Variants in ASTN1 observed in about 807,000 individuals in gnomAD.
ASTN1 encodes the protein astrotactin-1.
Under a neutral mutation model 140.7 loss-of-function variants are expected in ASTN1, and 41 were observed. The ratio of observed to expected loss-of-function variants is 0.29; its 90% CI spans 0.23 to 0.38. The LOEUF is 0.38. Among genes scored for constraint, ASTN1 ranks in the 10% least tolerant of loss-of-function variants. The pLI, the probability that ASTN1 is intolerant of heterozygous loss-of-function variation, is 1.00. For synonymous variants in ASTN1, 640 were observed against 652.2 expected (o/e 0.98, Z 0.29); for missense variants, 1,479 against 1,678.8 (o/e 0.88, Z 2.08).
chr1:177,027,713 AGTGTGTGTGTGTGTGT>A (rs56405518), intron 5 of ASTN1, among the ~76,000 whole-genome samples: 17,469 of 118,636 alleles, frequency 0.15, 1,364 homozygotes, highest in East Asian at 0.21. Flanking sequence ...AACCCAGTAC[AGTGTGTGTGTGTGTGT>A]GTGTGTGTGT....
In ASTN1 at chr1:176,861,872, T is replaced by C; in HGVS notation, c.*2412A>G. The C allele has an allele frequency of 1.0e-6, 1 of 985,100 alleles. No homozygotes were observed. Among genetic ancestry groups the C allele is most frequent in the African/African-American group, 1.7e-5 (1 of 57,258 alleles). The allele number at this position is 985,100 out of a possible 1,614,324, so 61.0% of individuals were successfully genotyped here. On this transcript the variant is annotated 3_prime_UTR_variant, in exon 23 of 23. Transcript: ENST00000361833. ...GGAAAGATAGGAGAGAGGAAGATAG[T>C]GTGCCTAAAATAAAAACAGAAGGAG...
chr1:176,907,175 A>T (rs1670040599), intron 16 of ASTN1, among the ~76,000 whole-genome samples: 1 of 152,174 alleles, frequency 6.6e-6, no homozygotes, highest in South Asian at 2.1e-4. Context: ...GGAGCTGGAG[A>T]ATCTGCATTT....
intron 7 of ASTN1, among the ~76,000 whole-genome samples, chr1:177,019,852 T>C (rs910105264): frequency 3.3e-5 from 5 of 152,168 alleles, no homozygotes; most frequent in African/African-American, 9.6e-5. Flanking sequence ...AAAACAATGC[T>C]TTTTCTTTCT....
intron 20 of ASTN1, among the ~76,000 whole-genome samples, chr1:176,877,642 C>T (rs1304185158): frequency 6.6e-6 from 1 of 152,228 alleles, no homozygotes; most frequent in Non-Finnish European, 1.5e-5. Flanking sequence ...AATCTGAACA[C>T]AACCATGGCA....
intron 1 of ASTN1, among the ~76,000 whole-genome samples, chr1:177,104,843 T>C (rs761398965): frequency 2.0e-5 from 3 of 152,226 alleles, no homozygotes; most frequent in Non-Finnish European, 4.4e-5. Context: ...TTAGATGAGA[T>C]GATACCCAGG....
rs936752737 is a variant in ASTN1, at chr1:177,002,628, C to T, written c.1523+12163G>A. 5.9e-5 allele frequency among the ~76,000 whole-genome samples: 9 copies of T among 151,854 alleles called. No homozygotes were observed. In the South Asian group the frequency reaches 6.2e-4, roughly 10 times the overall value. On this transcript the variant is annotated intron_variant, in intron 8 of 22. Coordinates refer to ENST00000361833, the MANE Select transcript of ASTN1 (RefSeq NM_004319.3). Reference sequence around the variant, plus strand: ...AATAGATAAAGTAGAAAACAAGATACGCAGTGGCAAAATGTTTGCTCTTAA... The same window carrying T: ...AATAGATAAAGTAGAAAACAAGATATGCAGTGGCAAAATGTTTGCTCTTAA...
intron 7 of ASTN1, among the ~76,000 whole-genome samples, chr1:177,019,545 T>C (rs1456803435): frequency 6.6e-6 from 1 of 152,232 alleles, no homozygotes; most frequent in Non-Finnish European, 1.5e-5. Context: ...ATGGCAGGCA[T>C]ACCTTGGGGT....
At chr1:176,986,085 TA>T (rs1343696458) in intron 8 of ASTN1, among the ~76,000 whole-genome samples, 2 of 152,180 alleles carry the variant, frequency 1.3e-5, no homozygotes, top group Non-Finnish European at 1.5e-5. Flanking sequence ...CTTTTGTCCC[TA>T]GAAGCATTGT....
At chr1:177,128,004 A>G (rs1372047379) in intron 1 of ASTN1, among the ~76,000 whole-genome samples, 1 of 143,262 alleles carries the variant, frequency 7.0e-6, no homozygotes, top group East Asian at 2.2e-4. Context: ...AATAAAATAA[A>G]ACAGTAATAA....
At chr1:177,023,277 C>A in intron 7 of ASTN1, 127 bp downstream of exon 7, 1 of 1,218,906 alleles carries the variant, frequency 8.2e-7, no homozygotes. Flanking sequence ...TGCAGGCAGT[C>A]CGCATGGTCT....
rs869200407 is a variant in ASTN1, at chr1:177,036,036, C to CTTTTTTTT, written c.472-3195_472-3188dup. 2.2e-4 allele frequency among the ~76,000 whole-genome samples: 17 copies of CTTTTTTTT among 78,800 alleles called. 1 individual carries two copies. Among genetic ancestry groups the CTTTTTTTT allele is most frequent in the African/African-American group, 8.8e-4 (16 of 18,136 alleles). The allele number at this position is 78,800 out of a possible 152,430, so 51.7% of individuals were successfully genotyped here. A position where few individuals can be genotyped will look rare whatever the true frequency, so the allele number is the denominator to read the frequency against. ...CTCTGGATGGGATGACCTCAGCTTT[C>CTTTTTTTT]TTTTTTTTTTTTTTTTTTTTTTTTT... On this transcript the variant is annotated intron_variant, in intron 2 of 22. Transcript: ENST00000361833.
chr1:176,923,108 A>G (rs986739986), intron 16 of ASTN1, among the ~76,000 whole-genome samples: 1 of 152,154 alleles, frequency 6.6e-6, no homozygotes, highest in African/African-American at 2.4e-5. Flanking sequence ...TTTTGATGCA[A>G]TTCTGTCTAA....
chr1:176,952,992 A>G (rs1672254714), intron 11 of ASTN1, among the ~76,000 whole-genome samples: 1 of 152,212 alleles, frequency 6.6e-6, no homozygotes, highest in African/African-American at 2.4e-5. Context: ...GGTTGAGCAA[A>G]TGAGCTCATA....
chr1:177,144,943 A>C (rs1425296192), intron 1 of ASTN1, among the ~76,000 whole-genome samples: 1 of 152,170 alleles, frequency 6.6e-6, no homozygotes, highest in Admixed American at 6.5e-5. Flanking sequence ...AGATAGAGAA[A>C]AATCATCATT....
chr1:177,062,699 C>A (rs954597064), intron 1 of ASTN1, among the ~76,000 whole-genome samples: 2 of 152,086 alleles, frequency 1.3e-5, no homozygotes, highest in African/African-American at 2.4e-5. Context: ...AAAAGGAAAA[C>A]AATTTTAAGT....
chr1:176,928,046 C>T (rs1298674253), intron 16 of ASTN1, among the ~76,000 whole-genome samples: 1 of 150,738 alleles, frequency 6.6e-6, no homozygotes, highest in Non-Finnish European at 1.5e-5. Flanking sequence ...TATATATATG[C>T]ACAAACTCAT....
At chr1:177,094,265 A>T (rs774121812) in intron 1 of ASTN1, among the ~76,000 whole-genome samples, 1 of 152,238 alleles carries the variant, frequency 6.6e-6, no homozygotes, top group Non-Finnish European at 1.5e-5. Flanking sequence ...TCAAACTCAG[A>T]TCTGTCTAAC....
intron 8 of ASTN1, among the ~76,000 whole-genome samples, chr1:177,005,919 A>G (rs1674973348): frequency 6.6e-6 from 1 of 152,178 alleles, no homozygotes; most frequent in Non-Finnish European, 1.5e-5. Context: ...TAATGACAGC[A>G]ATTAATTAGC....
intron 11 of ASTN1, among the ~76,000 whole-genome samples, chr1:176,951,200 C>T (rs1359827756): frequency 6.6e-6 from 1 of 152,186 alleles, no homozygotes; most frequent in African/African-American, 2.4e-5. Flanking sequence ...CTGTGCAAAC[C>T]CAGCTGTTCC....
Sources: gnomAD v4.1 joint callset for allele counts (sites outside exome capture counted in the v4.1 genomes callset) on GRCh38, gnomAD v4.1.1 for gene constraint, MANE v1.5 for transcripts, NCBI Gene and HGNC (gene_info 2026-07-23, HGNC 2026-07-21) for gene names.